SPANXN4: variants seen among roughly 807,000 people sequenced by gnomAD.
SPANXN4 encodes the protein sperm protein associated with the nucleus on the X chromosome N4.
In SPANXN4, 5 loss-of-function variants were observed where a neutral mutation model predicts 6.0. That is an observed-to-expected ratio of 0.83 (90% CI 0.44 to 1.75). The LOEUF is 1.75. Among genes scored for constraint, SPANXN4 ranks in the 40% most tolerant of loss-of-function variants. The pLI is 0.02. For synonymous variants in SPANXN4, 45 were observed against 38.0 expected (o/e 1.19, Z -0.68); for missense variants, 157 against 108.6 (o/e 1.45, Z -1.98).
At position 143,031,627 on chromosome X, in the gene SPANXN4, A is replaced by T. The variant is rs777672757; in HGVS notation, c.79-2401A>T. Among the ~76,000 whole-genome samples the T allele has an allele frequency of 8.0e-5, 9 of 111,874 alleles. No individual in the cohort carries two copies. The South Asian group carries it at 3.4e-3, about 42-fold the overall frequency. Reference sequence around the variant, plus strand: ...CCTGGCAGTGACTGTTGTAACACTGAGGACTTCTGTATGAATTGGGAACCC... The same window carrying T: ...CCTGGCAGTGACTGTTGTAACACTGTGGACTTCTGTATGAATTGGGAACCC... On this transcript the variant is annotated intron_variant, in intron 1 of 2. Coordinates refer to ENST00000370504, the Ensembl canonical transcript of SPANXN4.
chrX:143,032,310 G>A (rs181672497), intron 1 of SPANXN4, among the ~76,000 whole-genome samples: 1 of 111,471 alleles, frequency 9.0e-6, no homozygotes, highest in East Asian at 2.9e-4. Flanking sequence ...TGCAAGGGAA[G>A]GGCTTTGGAA....
intron 2 of SPANXN4, 136 bp downstream of exon 2, chrX:143,034,447 T>TAAAG (rs1476562382): frequency 9.1e-7 from 1 of 1,103,483 alleles, no homozygotes. Context: ...ACATTGTAAA[T>TAAAG]AAAGACTGGG....
At chrX:143,026,724 G>A (rs1361756104) in intron 1 of SPANXN4, among the ~76,000 whole-genome samples, 3 of 111,134 alleles carry the variant, frequency 2.7e-5, no homozygotes, top group African/African-American at 9.8e-5. Flanking sequence ...GAGAAGGATG[G>A]TATCAATGTG....
chrX:143,034,348 G>A (rs1932831943), intron 2 of SPANXN4, 37 bp downstream of exon 2: 25 of 1,019,872 alleles, frequency 2.5e-5, no homozygotes, highest in Non-Finnish European at 3.3e-5. Context: ...TCTGATGGTG[G>A]GGAGGAAGGG....
At chrX:143,034,475 A>T in intron 2 of SPANXN4, 164 bp downstream of exon 2, 1 of 1,120,884 alleles carries the variant, frequency 8.9e-7, no homozygotes, top group East Asian at 3.3e-5. Flanking sequence ...TGATTCCTGG[A>T]GACAAATTTT....
exon 1 of SPANXN4, chrX:143,025,961 G>A: frequency 8.7e-7 from 1 of 1,143,302 alleles, no homozygotes; most frequent in Non-Finnish European, 1.2e-6. Flanking sequence ...TACAGCTGTG[G>A]AAATCTGCAC....
chrX:143,035,075 C>CAAAA (rs780134042), downstream of SPANXN4, among the ~76,000 whole-genome samples: 1 of 39,057 alleles, frequency 2.6e-5, no homozygotes, highest in African/African-American at 9.5e-5. Flanking sequence ...GACTCTGTCT[C>CAAAA]AAAAAAAAAA....
intron 1 of SPANXN4, among the ~76,000 whole-genome samples, chrX:143,032,602 G>A (rs1932816987): frequency 1.8e-5 from 2 of 111,012 alleles, no homozygotes; most frequent in Non-Finnish European, 3.8e-5. Context: ...GGCAGAGAGA[G>A]AGAGCAATCC....
At chrX:143,031,906 G>A (rs930240670) in intron 1 of SPANXN4, among the ~76,000 whole-genome samples, 12 of 111,444 alleles carry the variant, frequency 1.1e-4, no homozygotes, top group African/African-American at 3.9e-4. Flanking sequence ...AAAGAGCATG[G>A]GCAGCTTTAT....
intron 1 of SPANXN4, among the ~76,000 whole-genome samples, chrX:143,029,169 T>C (rs960892144): frequency 9.0e-6 from 1 of 111,460 alleles, no homozygotes; most frequent in African/African-American, 3.3e-5. Flanking sequence ...ATGGCATCTG[T>C]AGCCTTTTGG....
chrX:143,033,559 G>T (rs1932823907), intron 1 of SPANXN4, among the ~76,000 whole-genome samples: 1 of 111,709 alleles, frequency 9.0e-6, no homozygotes, highest in Non-Finnish European at 1.9e-5. Flanking sequence ...GTGGGAGGCA[G>T]CTGGGCAGTA....
downstream of SPANXN4, among the ~76,000 whole-genome samples, chrX:143,037,680 A>G (rs754728463): frequency 9.0e-6 from 1 of 111,533 alleles, no homozygotes; most frequent in Non-Finnish European, 1.9e-5. Flanking sequence ...TAATCCCCAT[A>G]ATTTCCATGT....
At chrX:143,026,932 G>A (rs7060147) in intron 1 of SPANXN4, among the ~76,000 whole-genome samples, 1 of 111,261 alleles carries the variant, frequency 9.0e-6, no homozygotes, top group Admixed American at 9.5e-5. Context: ...TGTAGAGCCT[G>A]CTTAGTGTGT....
exon 2 of SPANXN4, chrX:143,034,083 A>G: frequency 8.5e-7 from 1 of 1,180,352 alleles, no homozygotes; most frequent in African/African-American, 1.8e-5. Flanking sequence ...GAGACAGAAA[A>G]AGCAAAATAT....
downstream of SPANXN4, chrX:143,034,718 A>C: frequency 9.0e-7 from 1 of 1,112,500 alleles, no homozygotes; most frequent in Non-Finnish European, 1.2e-6. Flanking sequence ...AGGAACAAGA[A>C]CCTCACCCTA....
At chrX:143,030,599 A>G in intron 1 of SPANXN4, among the ~76,000 whole-genome samples, 1 of 110,774 alleles carries the variant, frequency 9.0e-6, no homozygotes, top group African/African-American at 3.3e-5. Flanking sequence ...TGAAAGCAAA[A>G]AAAAAAAAAC....
exon 1 of SPANXN4, chrX:143,026,006 A>G (rs768853051): frequency 1.2e-5 from 15 of 1,204,846 alleles, no homozygotes; most frequent in Non-Finnish European, 1.6e-5. Context: ...TCTACAACCA[A>G]CCATAATCAT....
chrX:143,035,064 A>G (rs755483589), downstream of SPANXN4, among the ~76,000 whole-genome samples: 12 of 90,240 alleles, frequency 1.3e-4, no homozygotes, highest in African/African-American at 4.1e-4. Flanking sequence ...CGACAGAGTG[A>G]GACTCTGTCT....
intron 1 of SPANXN4, among the ~76,000 whole-genome samples, chrX:143,033,152 T>C (rs1207595388): frequency 9.0e-6 from 1 of 111,290 alleles, no homozygotes; most frequent in Non-Finnish European, 1.9e-5. Flanking sequence ...ATGGGGGTGA[T>C]CCTTACTGGA....
Sources: allele counts gnomAD v4.1 joint callset (sites outside exome capture counted in the v4.1 genomes callset), GRCh38; gene constraint gnomAD v4.1.1; transcripts MANE v1.5; gene names NCBI Gene and HGNC (gene_info 2026-07-23, HGNC 2026-07-21).